Variants in ZNF407 observed in about 807,000 individuals in gnomAD.
ZNF407 encodes the protein zinc finger protein 407.
Under a neutral mutation model 131.2 loss-of-function variants are expected in ZNF407, and 17 were observed. That is an observed-to-expected ratio of 0.13 (90% CI 0.09 to 0.19). The LOEUF is 0.19. Among genes scored for constraint, ZNF407 ranks in the 10% least tolerant of loss-of-function variants. ZNF407 has a pLI of 1.00. For missense variants in ZNF407, 2,681 were observed against 2,830.6 expected, an observed-to-expected ratio of 0.95 and a Z score of 1.20; for synonymous variants, 1,156 against 1,062.0, an observed-to-expected ratio of 1.09 and a Z score of -1.72.
In ZNF407 at chr18:74,911,691, A is replaced by G. The variant is rs188875238; in HGVS notation, c.5250-8823A>G. Among the ~76,000 whole-genome samples the G allele has an allele frequency of 5.0e-4, 76 of 152,250 alleles. No individual in the cohort carries two copies. In the East Asian group the frequency reaches 0.013, roughly 26 times the overall value. On this transcript the variant is annotated intron_variant, in intron 7 of 8. Coordinates refer to ENST00000299687, the MANE Select transcript of ZNF407 (RefSeq NM_017757.3). ...AGCTAAACTACTACTATTATTTTCA[A>G]TGAATCTTTGTAAGATTTACTAAGT...
At chr18:75,005,721 C>T (rs1235160138) in intron 8 of ZNF407, among the ~76,000 whole-genome samples, 1 of 132,990 alleles carries the variant, frequency 7.5e-6, no homozygotes, top group African/African-American at 2.7e-5. Flanking sequence ...CACCCCCCGC[C>T]GCCAACTTAG....
chr18:74,620,202 C>G (rs1179665001), intron 1 of ZNF407, among the ~76,000 whole-genome samples: 1 of 152,094 alleles, frequency 6.6e-6, no homozygotes, highest in Non-Finnish European at 1.5e-5. Flanking sequence ...AATTTTATTA[C>G]TGGATCAATT....
At chr18:74,639,167 C>T (rs549199012) in intron 2 of ZNF407, among the ~76,000 whole-genome samples, 1 of 152,250 alleles carries the variant, frequency 6.6e-6, no homozygotes, top group South Asian at 2.1e-4. Context: ...TTGAACACAC[C>T]AGAGACCCCA....
chr18:74,723,941 G>A (rs1481468507), intron 3 of ZNF407, among the ~76,000 whole-genome samples: 1 of 150,318 alleles, frequency 6.7e-6, no homozygotes, highest in Non-Finnish European at 1.5e-5. Flanking sequence ...GGTGTGGGGC[G>A]GGGTGGGGGG....
chr18:74,854,826 T>TCTGCGGGCTTCTCTCTGG (rs556480069), intron 4 of ZNF407, among the ~76,000 whole-genome samples: 243 of 152,280 alleles, frequency 1.6e-3, no homozygotes, highest in Middle Eastern at 0.014. Context: ...TTTGAAGTGT[T>TCTGCGGGCTTCTCTCTGG]CTGCGGGCTT....
chr18:74,755,692 G>A (rs1451455152), intron 3 of ZNF407, among the ~76,000 whole-genome samples: 5 of 132,678 alleles, frequency 3.8e-5, no homozygotes, highest in Admixed American at 1.6e-4. Flanking sequence ...GAGTTCAAGC[G>A]ATTCTTCTGC....
At chr18:74,913,679 A>G (rs1971706154) in intron 7 of ZNF407, among the ~76,000 whole-genome samples, 1 of 152,190 alleles carries the variant, frequency 6.6e-6, no homozygotes. Flanking sequence ...CTTCTGTCAT[A>G]TCCATTATTG....
chr18:74,760,673 G>A (rs1969074633), intron 3 of ZNF407, among the ~76,000 whole-genome samples: 2 of 152,134 alleles, frequency 1.3e-5, no homozygotes, highest in African/African-American at 4.8e-5. Context: ...GTGTTTCAGG[G>A]ATCTTCCAGG....
chr18:74,985,385 T>C (rs1179210495), intron 8 of ZNF407, among the ~76,000 whole-genome samples: 1 of 152,258 alleles, frequency 6.6e-6, no homozygotes, highest in Non-Finnish European at 1.5e-5. Flanking sequence ...ATTCAACTTC[T>C]TTTTGTTGAT....
At chr18:74,657,113 G>T (rs1196500038) in intron 3 of ZNF407, among the ~76,000 whole-genome samples, 4 of 143,594 alleles carry the variant, frequency 2.8e-5, no homozygotes, top group African/African-American at 7.8e-5. Context: ...TTAAGTGTCT[G>T]TGTAGTCTTC....
At chr18:75,020,186 T>C (rs549354537) in intron 8 of ZNF407, among the ~76,000 whole-genome samples, 2 of 152,292 alleles carry the variant, frequency 1.3e-5, no homozygotes, top group South Asian at 4.1e-4. Context: ...CCTCCTCATG[T>C]GCGTAATTTA....
At chr18:74,648,324 A>G (rs1008796930) in intron 3 of ZNF407, among the ~76,000 whole-genome samples, 1 of 151,202 alleles carries the variant, frequency 6.6e-6, no homozygotes, top group Non-Finnish European at 1.5e-5. Flanking sequence ...AGGGCAGTCA[A>G]GACTTCTGGA....
chr18:75,023,313 A>G (rs559009333), intron 8 of ZNF407, among the ~76,000 whole-genome samples: 5 of 152,270 alleles, frequency 3.3e-5, no homozygotes, highest in East Asian at 1.9e-4. Flanking sequence ...ACCACTTAGC[A>G]TATGTCATAT....
intron 4 of ZNF407, among the ~76,000 whole-genome samples, chr18:74,829,451 C>G (rs1180567376): frequency 6.6e-6 from 1 of 152,194 alleles, no homozygotes; most frequent in Non-Finnish European, 1.5e-5. Flanking sequence ...TGGAGAGCAA[C>G]TCCTGGATCT....
intron 8 of ZNF407, among the ~76,000 whole-genome samples, chr18:75,039,183 GC>G (rs1973343879): frequency 6.6e-6 from 1 of 152,128 alleles, no homozygotes; most frequent in Admixed American, 6.6e-5. Flanking sequence ...GCCTTACGGA[GC>G]CCTAATTATT....
chr18:74,825,558 A>G (rs1218284103), intron 4 of ZNF407, among the ~76,000 whole-genome samples: 4 of 152,176 alleles, frequency 2.6e-5, no homozygotes, highest in African/African-American at 9.7e-5. Flanking sequence ...TTGTTAAACA[A>G]TAAAACTTAG....
intron 4 of ZNF407, among the ~76,000 whole-genome samples, chr18:74,864,885 A>G (rs1410224531): frequency 6.6e-6 from 1 of 152,220 alleles, no homozygotes; most frequent in Non-Finnish European, 1.5e-5. Flanking sequence ...GTTTGTTGAC[A>G]TATTTTTTCC....
intron 3 of ZNF407, among the ~76,000 whole-genome samples, chr18:74,744,565 G>A (rs1968623514): frequency 2.0e-5 from 3 of 152,092 alleles, no homozygotes; most frequent in Non-Finnish European, 2.9e-5. Context: ...AGACTTAGGA[G>A]TGATTTTAGT....
At chr18:74,613,521 G>A (rs953926323) in intron 1 of ZNF407, among the ~76,000 whole-genome samples, 2 of 152,228 alleles carry the variant, frequency 1.3e-5, no homozygotes, top group Non-Finnish European at 1.5e-5. Flanking sequence ...ATGCTTTCTA[G>A]TAGAATCGGC....
Sources: allele counts gnomAD v4.1 joint callset (sites outside exome capture counted in the v4.1 genomes callset), GRCh38; gene constraint gnomAD v4.1.1; transcripts MANE v1.5; gene names NCBI Gene and HGNC (gene_info 2026-07-23, HGNC 2026-07-21).